TMEM132C: variants seen among roughly 807,000 people sequenced by gnomAD.
TMEM132C encodes the protein transmembrane protein 132C.
In TMEM132C, 29 loss-of-function variants were observed where a neutral mutation model predicts 61.4. That is an observed-to-expected ratio of 0.47 (90% confidence interval 0.35 to 0.64). The LOEUF (loss-of-function observed/expected upper bound fraction) is 0.64, where lower values mean the gene tolerates loss of function less well. Ranked by LOEUF, TMEM132C falls within the 30% of genes least tolerant of loss-of-function variation. The pLI is 0.00. For synonymous variants in TMEM132C, 656 were observed against 633.1 expected, an observed-to-expected ratio of 1.04 and a Z score of -0.54; for missense variants, 1,408 against 1,476.9, an observed-to-expected ratio of 0.95 and a Z score of 0.76.
intron 4 of TMEM132C, among the ~76,000 whole-genome samples, chr12:128,631,676 C>A: frequency 6.6e-6 from 1 of 152,210 alleles, no homozygotes; most frequent in East Asian, 1.9e-4. Context: ...TAGCTTCAGG[C>A]ACAGTTGGTT....
At chr12:128,452,629 G>A (rs138365190) in intron 2 of TMEM132C, among the ~76,000 whole-genome samples, 2,918 of 151,476 alleles carry the variant, frequency 0.019, 95 homozygotes, top group African/African-American at 0.062. Context: ...GCTTGAACCC[G>A]GGAGGCAGAG....
chr12:128,401,896 ACCCTC>A (rs879340633), intron 1 of TMEM132C, among the ~76,000 whole-genome samples: 11 of 152,016 alleles, frequency 7.2e-5, no homozygotes, highest in Non-Finnish European at 1.5e-4. Flanking sequence ...TCAAAATGCC[ACCCTC>A]CCCATAGATG....
At chr12:128,493,192 C>G (rs1871810104) in intron 2 of TMEM132C, among the ~76,000 whole-genome samples, 1 of 152,178 alleles carries the variant, frequency 6.6e-6, no homozygotes, top group African/African-American at 2.4e-5. Context: ...GGGCTCTGTT[C>G]TGTTCCATTG....
intron 3 of TMEM132C, among the ~76,000 whole-genome samples, chr12:128,569,170 A>G (rs2136169615): frequency 6.6e-6 from 1 of 152,314 alleles, no homozygotes; most frequent in Admixed American, 6.5e-5. Flanking sequence ...GAAGGGTGTG[A>G]GCACAGGCAG....
chr12:128,299,350 A>T (rs977162704), intron 1 of TMEM132C, among the ~76,000 whole-genome samples: 3 of 152,198 alleles, frequency 2.0e-5, no homozygotes, highest in African/African-American at 7.2e-5. Flanking sequence ...TGGTTAATGT[A>T]TACCTGGATG....
intron 1 of TMEM132C, among the ~76,000 whole-genome samples, chr12:128,292,003 G>T (rs924487693): frequency 6.6e-6 from 1 of 152,076 alleles, no homozygotes; most frequent in African/African-American, 2.4e-5. Context: ...AACCCCCTGG[G>T]ACCCATTGTT....
At position 128,414,957 on chromosome 12, in the gene TMEM132C, T is replaced by C; in HGVS notation, c.311T>C (p.Val104Ala). 1 of 1,551,720 alleles carries C rather than the reference T, an allele frequency of 6.4e-7. No individual in the cohort carries two copies. The highest frequency in any genetic ancestry group is 8.7e-7 in the Non-Finnish European group (1 of 1,147,012). The part of the protein sequence containing the change: ...VLNASYGPFS[V>A]EKVVPLDLML... ...AATGCCAGCTATGGACCCTTTTCTG[T>C]GGAGAAGGTTGTGCCTCTGGACTTG... The change falls in exon 2 of 9, where the codon GTG becomes GCG. Residue 104 changes from valine to alanine, a missense_variant. Transcript: ENST00000435159.
chr12:128,602,043 T>C (rs1302286150), intron 3 of TMEM132C, among the ~76,000 whole-genome samples: 1 of 151,968 alleles, frequency 6.6e-6, no homozygotes, highest in Non-Finnish European at 1.5e-5. Flanking sequence ...CCTCTCTCTA[T>C]AAAAAATTTA....
At chr12:128,670,392 AACTG>A (rs1301768383) in intron 5 of TMEM132C, among the ~76,000 whole-genome samples, 1 of 152,170 alleles carries the variant, frequency 6.6e-6, no homozygotes, top group African/African-American at 2.4e-5. Flanking sequence ...TCTCCTGTCT[AACTG>A]ATATTTTGTA....
chr12:128,492,222 T>G (rs1216137438), intron 2 of TMEM132C, among the ~76,000 whole-genome samples: 1 of 152,228 alleles, frequency 6.6e-6, no homozygotes, highest in African/African-American at 2.4e-5. Flanking sequence ...GGTGTAAATG[T>G]GCCACATTTT....
intron 1 of TMEM132C, among the ~76,000 whole-genome samples, chr12:128,307,318 A>G (rs1450153269): frequency 2.6e-5 from 4 of 152,304 alleles, no homozygotes; most frequent in East Asian, 3.9e-4. Flanking sequence ...AAAATATACA[A>G]ATATCTCAAC....
rs143542770 is a variant in TMEM132C, at chr12:128,309,801, C to T, written c.85+42314C>T. Reference sequence around the variant, plus strand: ...AGGCTGGAGTGCAGTGGTGCAGTCTCGACTCACTGTAGCCTCCTCCGCCTC... The same window carrying T: ...AGGCTGGAGTGCAGTGGTGCAGTCTTGACTCACTGTAGCCTCCTCCGCCTC... On this transcript the variant is annotated intron_variant, in intron 1 of 8. Coordinates refer to ENST00000435159, the MANE Select transcript of TMEM132C (RefSeq NM_001136103.3). Among the ~76,000 whole-genome samples the T allele has an allele frequency of 9.5e-3, 1,446 of 151,434 alleles. 16 individuals carry two copies. Among genetic ancestry groups the T allele is most frequent in the African/African-American group, 0.031 (1,293 of 41,252 alleles).
chr12:128,492,574 T>C (rs2136101817), intron 2 of TMEM132C, among the ~76,000 whole-genome samples: 1 of 152,322 alleles, frequency 6.6e-6, no homozygotes, highest in Admixed American at 6.5e-5. Context: ...CTCATTGTGG[T>C]TTTCATTTGC....
At position 128,335,229 on chromosome 12, in the gene TMEM132C, A is replaced by G. The variant is rs868100417; in HGVS notation, c.85+67742A>G. On this transcript the variant is annotated intron_variant, in intron 1 of 8. Transcript: ENST00000435159. ...TAATATGCTTTGTGATAATATTGCG[A>G]TAGGGGATAGATTTATGATTTTTGG... is the stretch of plus-strand genomic sequence containing the variant. 5.9e-5 allele frequency among the ~76,000 whole-genome samples: 9 copies of G among 152,338 alleles called. No homozygotes were observed. In the South Asian group the frequency reaches 8.3e-4, roughly 14 times the overall value.
chr12:128,664,282 T>C (rs1488855550), intron 4 of TMEM132C, among the ~76,000 whole-genome samples: 3 of 149,218 alleles, frequency 2.0e-5, no homozygotes, highest in African/African-American at 5.2e-5. Flanking sequence ...AAGTTAAAAA[T>C]ATAGTTCACC....
chr12:128,675,358 A>G (rs1251439611), intron 5 of TMEM132C, among the ~76,000 whole-genome samples: 1 of 152,204 alleles, frequency 6.6e-6, no homozygotes, highest in Non-Finnish European at 1.5e-5. Flanking sequence ...ACTGAGGCTC[A>G]GCAAATGGAG....
rs937880758 is a variant in TMEM132C at position 128,624,735 on chromosome 12, A to G, written c.1305+8400A>G. On this transcript the variant is annotated intron_variant, in intron 4 of 8. Transcript: ENST00000435159. ...TATTAATAAGAATAAAAGTATTCAGATATTATTTGTGGGTATTCAAACAGT... is the reference window on the plus strand; with the variant it reads ...TATTAATAAGAATAAAAGTATTCAGGTATTATTTGTGGGTATTCAAACAGT... Among the ~76,000 whole-genome samples, 3 of 152,212 alleles carry G rather than the reference A, an allele frequency of 2.0e-5. No individual in the cohort carries two copies. In the South Asian group the frequency reaches 6.2e-4, roughly 32 times the overall value.
intron 1 of TMEM132C, among the ~76,000 whole-genome samples, chr12:128,389,800 C>T (rs1035716100): frequency 7.2e-5 from 11 of 152,148 alleles, no homozygotes; most frequent in African/African-American, 2.7e-4. Flanking sequence ...AAGGCCCAGC[C>T]CTCACCGCAT....
chr12:128,455,467 A>G (rs1205656823), intron 2 of TMEM132C, among the ~76,000 whole-genome samples: 1 of 152,160 alleles, frequency 6.6e-6, no homozygotes, highest in Non-Finnish European at 1.5e-5. Context: ...TGACAAGGGA[A>G]CCAGTAAGCA....
Sources: allele counts gnomAD v4.1 joint callset (sites outside exome capture counted in the v4.1 genomes callset), GRCh38; gene constraint gnomAD v4.1.1; transcripts MANE v1.5; gene names NCBI Gene and HGNC (gene_info 2026-07-23, HGNC 2026-07-21).